SCD5: variants seen among roughly 807,000 people sequenced by gnomAD.
SCD5 encodes stearoyl-CoA desaturase 5, also known as acyl-CoA-desaturase 4.
In SCD5, 20 loss-of-function variants were observed where a neutral mutation model predicts 30.4. The ratio of observed to expected loss-of-function variants is 0.66; its 90% confidence interval spans 0.46 to 0.96. The LOEUF (loss-of-function observed/expected upper bound fraction) is 0.96. SCD5 is among the 40% of genes least tolerant of loss of function. The probability of loss-of-function intolerance (pLI) is 0.00; values close to 1 mark genes in which losing one functional copy is unlikely to be tolerated. For synonymous variants in SCD5, 173 were observed against 176.4 expected, an observed-to-expected ratio of 0.98 and a Z score of 0.16; for missense variants, 381 against 443.3, an observed-to-expected ratio of 0.86 and a Z score of 1.26.
At chr4:82,728,429 T>C (rs1720552315) in intron 1 of SCD5, among the ~76,000 whole-genome samples, 1 of 152,154 alleles carries the variant, frequency 6.6e-6, no homozygotes, top group Non-Finnish European at 1.5e-5. Context: ...TCTGATAAGA[T>C]AGGCATAGTT....
intron 1 of SCD5, among the ~76,000 whole-genome samples, chr4:82,782,823 A>T (rs1372430299): frequency 2.0e-5 from 3 of 152,214 alleles, no homozygotes; most frequent in Admixed American, 1.3e-4. Context: ...GAACACACCC[A>T]CGGCTATTCA....
chr4:82,636,546 C>T, intron 4 of SCD5, 45 bp downstream of exon 4: 1 of 1,490,444 alleles, frequency 6.7e-7, no homozygotes, highest in Non-Finnish European at 9.2e-7. Flanking sequence ...GCCAAGAAAA[C>T]CTGGGCCACC....
chr4:82,765,023 G>A (rs1256497932), intron 1 of SCD5, among the ~76,000 whole-genome samples: 5 of 151,950 alleles, frequency 3.3e-5, no homozygotes, highest in South Asian at 2.1e-4. Context: ...CACCATGCCC[G>A]GCTAAGATAT....
Position 82,636,580 on chromosome 4 carries a change from C to T in SCD5, c.802+11G>A. The T allele has an allele frequency of 1.9e-6, 3 of 1,608,970 alleles. No individual in the cohort carries two copies. Among genetic ancestry groups the T allele is most frequent in the South Asian group, 1.1e-5 (1 of 90,338 alleles). The stretch of plus-strand genomic sequence containing the variant: ...CCATTCTCCCCATTGGCCCTCAACA[C>T]CCCTACTCACCAATGGCACCCAGAG... On this transcript the variant is annotated intron_variant, in intron 4 of 4. Transcript: ENST00000319540.
intron 1 of SCD5, among the ~76,000 whole-genome samples, chr4:82,786,999 A>G (rs1300119958): frequency 2.0e-5 from 3 of 152,182 alleles, no homozygotes; most frequent in African/African-American, 7.2e-5. Flanking sequence ...ACTCCGGCCA[A>G]AAGCTATTGT....
intron 1 of SCD5, among the ~76,000 whole-genome samples, chr4:82,757,627 T>G (rs1338562770): frequency 6.6e-6 from 1 of 152,094 alleles, no homozygotes; most frequent in Non-Finnish European, 1.5e-5. Flanking sequence ...GACTCTGGAG[T>G]GAAAGTGCTG....
intron 1 of SCD5, among the ~76,000 whole-genome samples, chr4:82,742,604 T>C (rs1272956780): frequency 6.6e-6 from 1 of 152,168 alleles, no homozygotes; most frequent in South Asian, 2.1e-4. Context: ...CTGGCCAACA[T>C]GGCAAAACTC....
At chr4:82,729,203 T>A (rs1720573262) in intron 1 of SCD5, among the ~76,000 whole-genome samples, 1 of 152,190 alleles carries the variant, frequency 6.6e-6, no homozygotes, top group Admixed American at 6.5e-5. Flanking sequence ...TGTGGTAAAC[T>A]ACAAAGTCCG....
intron 1 of SCD5, among the ~76,000 whole-genome samples, chr4:82,757,867 A>C (rs916469928): frequency 2.0e-5 from 3 of 152,206 alleles, no homozygotes; most frequent in Non-Finnish European, 4.4e-5. Flanking sequence ...AACAGGATGC[A>C]TTTTTTTAAA....
chr4:82,679,256 GAA>G (rs1268009938), intron 3 of SCD5, among the ~76,000 whole-genome samples: 4 of 106,578 alleles, frequency 3.8e-5, no homozygotes, highest in Non-Finnish European at 3.9e-5. Flanking sequence ...AAGAAAGAAA[GAA>G]AGAAGGAAGG....
chr4:82,733,690 G>C (rs947799530), intron 1 of SCD5, among the ~76,000 whole-genome samples: 3 of 152,060 alleles, frequency 2.0e-5, no homozygotes, highest in Non-Finnish European at 4.4e-5. Context: ...AATTCACAAG[G>C]GTCCCTGCGC....
intron 2 of SCD5, among the ~76,000 whole-genome samples, chr4:82,687,769 C>A (rs1254476695): frequency 6.6e-6 from 1 of 152,172 alleles, no homozygotes; most frequent in Non-Finnish European, 1.5e-5. Flanking sequence ...GGGACTTGAG[C>A]AAAGGTCATC....
chr4:82,699,331 T>A (rs972608018), intron 2 of SCD5, among the ~76,000 whole-genome samples: 1 of 152,200 alleles, frequency 6.6e-6, no homozygotes, highest in Non-Finnish European at 1.5e-5. Context: ...ACTTTTCTGT[T>A]TTCTCGCCTA....
chr4:82,762,674 C>A (rs553833225), intron 1 of SCD5, among the ~76,000 whole-genome samples: 4 of 152,244 alleles, frequency 2.6e-5, no homozygotes, highest in African/African-American at 9.6e-5. Context: ...GTGGGTGGAG[C>A]GAGCTGGTGG....
At chr4:82,726,622 A>T (rs1353211553) in intron 1 of SCD5, among the ~76,000 whole-genome samples, 1 of 151,926 alleles carries the variant, frequency 6.6e-6, no homozygotes, top group Non-Finnish European at 1.5e-5. Flanking sequence ...TCTAGAACAC[A>T]CACAAATATG....
intron 1 of SCD5, among the ~76,000 whole-genome samples, chr4:82,712,085 G>A (rs1032610191): frequency 6.7e-6 from 1 of 149,094 alleles, no homozygotes; most frequent in African/African-American, 2.5e-5. Flanking sequence ...ACAAGTGTAG[G>A]GGGTAGGTGC....
chr4:82,667,772 T>C (rs189547510), intron 3 of SCD5, among the ~76,000 whole-genome samples: 6 of 152,010 alleles, frequency 3.9e-5, no homozygotes, highest in Non-Finnish European at 7.4e-5. Context: ...TTATTCTCAA[T>C]TTTTTTTGTT....
At chr4:82,740,634 A>G (rs72662825) in intron 1 of SCD5, among the ~76,000 whole-genome samples, 28 of 152,330 alleles carry the variant, frequency 1.8e-4, no homozygotes, top group Non-Finnish European at 3.1e-4. Flanking sequence ...AAGGACTCCC[A>G]GTTCCCAATG....
chr4:82,719,607 C>T (rs946689844), intron 1 of SCD5, among the ~76,000 whole-genome samples: 5 of 150,542 alleles, frequency 3.3e-5, no homozygotes. Context: ...AGGTTCACGC[C>T]ATTCTCCTGC....
Sources: gnomAD v4.1 joint callset for allele counts (sites outside exome capture counted in the v4.1 genomes callset) on GRCh38, gnomAD v4.1.1 for gene constraint, MANE v1.5 for transcripts, NCBI Gene and HGNC (gene_info 2026-07-23, HGNC 2026-07-21) for gene names.